TSPAN9: variants seen among roughly 807,000 people sequenced by gnomAD.
TSPAN9 encodes tetraspanin-9.
In TSPAN9, 16 loss-of-function variants were observed where a neutral mutation model predicts 31.0. That is an observed-to-expected ratio of 0.52 (90% CI 0.35 to 0.78). The LOEUF is 0.78. TSPAN9 is among the 30% of genes least tolerant of loss of function. TSPAN9 has a pLI of 0.01. For missense variants in TSPAN9, 272 were observed against 312.5 expected (o/e 0.87, Z 0.98); for synonymous variants, 145 against 121.6 (o/e 1.19, Z -1.27).
Position 3,172,860 on chromosome 12 carries a change from A to G in TSPAN9, c.-17-28317A>G, listed in dbSNP as rs1015780046. 1 of 152,274 alleles carries G rather than the reference A, an allele frequency of 6.6e-6. No homozygotes were observed. Among genetic ancestry groups the G allele is most frequent in the Non-Finnish European group, 1.5e-5 (1 of 68,082 alleles). The allele number at this position is 152,274 out of a possible 1,614,324, so 9.4% of individuals were successfully genotyped here. A position where few individuals can be genotyped will look rare whatever the true frequency, so the allele number is the denominator to read the frequency against. ...GGAAAGGTAACTAACCGCACGCGGCAGGCGAGTCTATTAAACAGAGAGGCT... is the reference window on the plus strand; with the variant it reads ...GGAAAGGTAACTAACCGCACGCGGCGGGCGAGTCTATTAAACAGAGAGGCT... On this transcript the variant is annotated intron_variant, in intron 2 of 8. Transcript: ENST00000011898. The surrounding 1 kb of genome is among the most constrained non-coding windows in gnomAD (Gnocchi z 4.8).
intron 3 of TSPAN9, among the ~76,000 whole-genome samples, chr12:3,258,259 C>T (rs1021810366): frequency 1.2e-4 from 18 of 152,280 alleles, no homozygotes; most frequent in Admixed American, 3.3e-4. Context: ...TGCTCAGTCT[C>T]GGGCTGAGTC....
At chr12:3,112,268 C>A (rs1453036008) in intron 2 of TSPAN9, among the ~76,000 whole-genome samples, 2 of 150,796 alleles carry the variant, frequency 1.3e-5, no homozygotes, top group Non-Finnish European at 2.9e-5. Context: ...ACCTTGCCTC[C>A]TGGGTTCAAG....
chr12:3,127,139 G>A lies in TSPAN9; in HGVS notation c.-18+43420G>A, dbSNP rs531206486. Among the ~76,000 whole-genome samples the A allele has an allele frequency of 3.3e-5, 5 of 150,798 alleles. No homozygotes were observed. The South Asian group carries it at 8.5e-4, about 26-fold the overall frequency. Reference sequence around the variant, plus strand: ...TTTCTGGCCAGGTGTGGAGGCTCACGACTATAATCCCAGCACTTTGGGAGG... The same window carrying A: ...TTTCTGGCCAGGTGTGGAGGCTCACAACTATAATCCCAGCACTTTGGGAGG... On this transcript the variant is annotated intron_variant, in intron 2 of 8. Coordinates refer to ENST00000011898, the MANE Select transcript of TSPAN9 (RefSeq NM_006675.5).
Position 3,278,279 on chromosome 12 carries a change from G to A in TSPAN9, c.64-142G>A. The A allele has an allele frequency of 2.5e-6, 3 of 1,198,362 alleles. No individual in the cohort carries two copies. In the East Asian group the frequency reaches 7.2e-5, roughly 29 times the overall value. The allele number at this position is 1,198,362 out of a possible 1,614,324, so 74.2% of individuals were successfully genotyped here. A position where few individuals can be genotyped will look rare whatever the true frequency, so the allele number is the denominator to read the frequency against. On this transcript the variant is annotated intron_variant, in intron 3 of 8. Coordinates refer to ENST00000011898, the MANE Select transcript of TSPAN9 (RefSeq NM_006675.5). ...ACAGCCGACATGCTTCGGGTCTGCA[G>A]CCCAACGGTAGTCCCGTTCTCACCT...
At chr12:3,253,725 T>C (rs946389663) in intron 3 of TSPAN9, among the ~76,000 whole-genome samples, 1 of 152,120 alleles carries the variant, frequency 6.6e-6, no homozygotes, top group African/African-American at 2.4e-5. Flanking sequence ...GGACCCCTTT[T>C]ATTGAGGGTG....
chr12:3,281,132 A>G, intron 6 of TSPAN9, 66 bp from the exon 7 acceptor site: 1 of 1,541,294 alleles, frequency 6.5e-7, no homozygotes, highest in Non-Finnish European at 8.7e-7. Context: ...TGGGCAGGGG[A>G]AGGCCCTGGG....
At chr12:3,174,882 T>G (rs568009066) in intron 2 of TSPAN9, among the ~76,000 whole-genome samples, 28 of 152,340 alleles carry the variant, frequency 1.8e-4, no homozygotes, top group African/African-American at 6.3e-4. Context: ...GCACCCGGCC[T>G]CAGCTGTGGT....
At chr12:3,186,673 TAA>T (rs775567634) in intron 2 of TSPAN9, among the ~76,000 whole-genome samples, 19 of 152,108 alleles carry the variant, frequency 1.2e-4, no homozygotes, top group Non-Finnish European at 1.3e-4. Flanking sequence ...TGGTCTCACT[TAA>T]GAGACACGAT....
At chr12:3,274,566 G>A (rs1343530563) in intron 3 of TSPAN9, among the ~76,000 whole-genome samples, 2 of 152,220 alleles carry the variant, frequency 1.3e-5, no homozygotes, top group Admixed American at 1.3e-4. Flanking sequence ...AGGTCCCCTG[G>A]GAGCAGGTAG....
chr12:3,138,246 C>T (rs2098332990), intron 2 of TSPAN9, among the ~76,000 whole-genome samples: 1 of 152,166 alleles, frequency 6.6e-6, no homozygotes, highest in Non-Finnish European at 1.5e-5. Flanking sequence ...GAGGCATCTC[C>T]TTAGTGCCAG....
rs1033967148 is a variant in TSPAN9, at chr12:3,275,524, A to G, written c.64-2897A>G. Among the ~76,000 whole-genome samples the G allele has an allele frequency of 6.6e-5, 10 of 152,414 alleles. No homozygotes were observed. The South Asian group carries it at 1.0e-3, about 16-fold the overall frequency. On this transcript the variant is annotated intron_variant, in intron 3 of 8. Transcript: ENST00000011898. ...ATGAAAGAAAAATTGAGACGGCAGC[A>G]TAGAAACTGACCAGATTGAAGAAAA...
intron 2 of TSPAN9, among the ~76,000 whole-genome samples, chr12:3,159,598 G>A (rs2098343976): frequency 6.6e-6 from 1 of 152,162 alleles, no homozygotes; most frequent in Non-Finnish European, 1.5e-5. Context: ...CTGGCACCAT[G>A]GCTCACACCT....
intron 3 of TSPAN9, among the ~76,000 whole-genome samples, chr12:3,273,590 A>G (rs939589218): frequency 1.3e-5 from 2 of 152,208 alleles, no homozygotes; most frequent in African/African-American, 2.4e-5. Context: ...AAATGCCACC[A>G]GCTAAGCTCT....
Position 3,077,438 on chromosome 12 carries a change from A to G in TSPAN9, c.-100A>G. Reference sequence around the variant, plus strand: ...GAGCGCGAGCAGAGCGGAGACCCCCAGGTCCTGCGGGCGCGGTGAGTGCGG... The same window carrying G: ...GAGCGCGAGCAGAGCGGAGACCCCCGGGTCCTGCGGGCGCGGTGAGTGCGG... On this transcript the variant is annotated 5_prime_UTR_variant, in exon 1 of 9. Transcript: ENST00000011898. 6.7e-6 allele frequency: 1 copy of G among 150,080 alleles called. No homozygotes were observed. Among genetic ancestry groups the G allele is most frequent in the South Asian group, 1.9e-4 (1 of 5,370 alleles). The allele number at this position is 150,080 out of a possible 1,614,324, so 9.3% of individuals were successfully genotyped here.
At chr12:3,214,171 C>T (rs1199339145) in intron 3 of TSPAN9, among the ~76,000 whole-genome samples, 1 of 152,142 alleles carries the variant, frequency 6.6e-6, no homozygotes, top group Non-Finnish European at 1.5e-5. Flanking sequence ...CTCTCTGGGC[C>T]CTGACATTCT....
chr12:3,175,889 T>C (rs1345195419), intron 2 of TSPAN9, among the ~76,000 whole-genome samples: 1 of 152,140 alleles, frequency 6.6e-6, no homozygotes, highest in Non-Finnish European at 1.5e-5. Flanking sequence ...AAATGAGCAT[T>C]GATTTCTGGG....
At chr12:3,250,444 C>T (rs1376918899) in intron 3 of TSPAN9, among the ~76,000 whole-genome samples, 1 of 152,156 alleles carries the variant, frequency 6.6e-6, no homozygotes, top group African/African-American at 2.4e-5. Context: ...TAGGGTTCAC[C>T]CATCATGTCT....
At chr12:3,123,565 C>G (rs1310415511) in intron 2 of TSPAN9, among the ~76,000 whole-genome samples, 2 of 151,990 alleles carry the variant, frequency 1.3e-5, no homozygotes, top group Non-Finnish European at 2.9e-5. Flanking sequence ...CTGTATGATT[C>G]ATTAATCTCC....
At chr12:3,242,390 G>T (rs1481233680) in intron 3 of TSPAN9, among the ~76,000 whole-genome samples, 2 of 152,144 alleles carry the variant, frequency 1.3e-5, no homozygotes, top group African/African-American at 4.8e-5. Flanking sequence ...CACCCAGCCA[G>T]CCCCACCTCC....
Sources: gnomAD v4.1 joint callset for allele counts (sites outside exome capture counted in the v4.1 genomes callset) on GRCh38, gnomAD v4.1.1 for gene constraint, Gnocchi (gnomAD v3.1) non-coding constraint, MANE v1.5 for transcripts, NCBI Gene and HGNC (gene_info 2026-07-23, HGNC 2026-07-21) for gene names.